The following NXN variants were observed in gnomAD, a reference collection of about 807,000 sequenced individuals.
NXN encodes nucleoredoxin.
Under a neutral mutation model 48.6 loss-of-function variants are expected in NXN, and 16 were observed. The observed-to-expected ratio is 0.33, with a 90% confidence interval of 0.22 to 0.50. The LOEUF is 0.50. NXN is among the 20% of genes least tolerant of loss of function. The probability of loss-of-function intolerance (pLI) is 0.98; values close to 1 mark genes in which losing one functional copy is unlikely to be tolerated. For synonymous variants in NXN, 281 were observed against 269.6 expected (o/e 1.04, Z -0.41); for missense variants, 492 against 605.5 (o/e 0.81, Z 1.97).
chr17:971,754 T>C (rs535198299), intron 1 of NXN, among the ~76,000 whole-genome samples: 2 of 151,692 alleles, frequency 1.3e-5, no homozygotes, highest in Admixed American at 6.6e-5. Flanking sequence ...TCCAAATTCA[T>C]AGCGATTTTC....
At chr17:801,658 G>A (rs185706453) in intron 7 of NXN, among the ~76,000 whole-genome samples, 1 of 152,132 alleles carries the variant, frequency 6.6e-6, no homozygotes, top group East Asian at 1.9e-4. Flanking sequence ...TGGTCAGGCT[G>A]GTCTCCAACT....
At chr17:868,704 G>C (rs1177187725) in intron 1 of NXN, among the ~76,000 whole-genome samples, 1 of 152,110 alleles carries the variant, frequency 6.6e-6, no homozygotes, top group African/African-American at 2.4e-5. Context: ...ACGTTAGCCA[G>C]GATGGTCTCG....
At chr17:801,503 T>C (rs1911209531) in intron 7 of NXN, among the ~76,000 whole-genome samples, 1 of 144,918 alleles carries the variant, frequency 6.9e-6, no homozygotes, top group African/African-American at 2.5e-5. Context: ...TGGAGTGCAG[T>C]GGCACGATCT....
At position 860,027 on chromosome 17, in the gene NXN, G is replaced by T. The variant is rs1161378128; in HGVS notation, c.361-33949C>A. Among the ~76,000 whole-genome samples the T allele has an allele frequency of 5.9e-5, 9 of 152,278 alleles. No homozygotes were observed. The East Asian group carries it at 1.7e-3, about 29-fold the overall frequency. On this transcript the variant is annotated intron_variant, in intron 1 of 7. Coordinates refer to ENST00000336868, the MANE Select transcript of NXN (RefSeq NM_022463.5). Reference sequence around the variant, plus strand: ...CTGCAGTAAGGAAGTTGGAAAGGGTGAGTCAGAAGCTAAGGAAAACGCTCA... The same window carrying T: ...CTGCAGTAAGGAAGTTGGAAAGGGTTAGTCAGAAGCTAAGGAAAACGCTCA...
chr17:869,100 A>T (rs1217693973), intron 1 of NXN, among the ~76,000 whole-genome samples: 1 of 152,080 alleles, frequency 6.6e-6, no homozygotes, highest in African/African-American at 2.4e-5. Context: ...CACCCTCCAC[A>T]CAGATGAACC....
At chr17:970,833 T>C (rs2069367406) in intron 1 of NXN, among the ~76,000 whole-genome samples, 1 of 152,210 alleles carries the variant, frequency 6.6e-6, no homozygotes, top group Non-Finnish European at 1.5e-5. Flanking sequence ...GATTACTAGT[T>C]GCTGGAAGAC....
chr17:976,660 C>G (rs1224615743), intron 1 of NXN, among the ~76,000 whole-genome samples: 1 of 152,154 alleles, frequency 6.6e-6, no homozygotes, highest in East Asian at 1.9e-4. Context: ...AAATTAGCAT[C>G]ATTAGCTCAC....
At chr17:867,284 G>A (rs1248526420) in intron 1 of NXN, among the ~76,000 whole-genome samples, 2 of 67,816 alleles carry the variant, frequency 2.9e-5, no homozygotes, top group East Asian at 4.6e-4. Context: ...GGGTTCTCCG[G>A]GGAATCCTCC....
At chr17:941,356 T>C (rs1348771607) in intron 1 of NXN, among the ~76,000 whole-genome samples, 3 of 148,406 alleles carry the variant, frequency 2.0e-5, no homozygotes, top group South Asian at 4.3e-4. Context: ...TCCCTGGATT[T>C]ACAGTGAACA....
At chr17:976,528 C>G (rs1423722682) in intron 1 of NXN, among the ~76,000 whole-genome samples, 1 of 152,098 alleles carries the variant, frequency 6.6e-6, no homozygotes, top group Non-Finnish European at 1.5e-5. Context: ...ACAAAATTCC[C>G]TTCTCTAGAG....
chr17:864,166 A>G, intron 1 of NXN: 1 of 1,097,540 alleles, frequency 9.1e-7, no homozygotes, highest in Non-Finnish European at 1.3e-6. Flanking sequence ...GTTCCGGTGA[A>G]GGGACGCGTC....
intron 1 of NXN, among the ~76,000 whole-genome samples, chr17:909,405 T>G (rs936259701): frequency 6.6e-6 from 1 of 152,166 alleles, no homozygotes; most frequent in Admixed American, 6.5e-5. Flanking sequence ...CAGTGTAACA[T>G]TTGGACAGAC....
At chr17:802,010 C>T (rs200054846) in intron 7 of NXN, among the ~76,000 whole-genome samples, 2 of 152,258 alleles carry the variant, frequency 1.3e-5, no homozygotes, top group East Asian at 1.9e-4. Context: ...GGCACTTTAT[C>T]CTACATTCCC....
At position 920,851 on chromosome 17, in the gene NXN, T is replaced by C. The variant is rs2068743746; in HGVS notation, c.360+58468A>G. Among the ~76,000 whole-genome samples the C allele has an allele frequency of 6.6e-6, 1 of 151,068 alleles. No homozygotes were observed. Among genetic ancestry groups the C allele is most frequent in the South Asian group, 2.1e-4 (1 of 4,774 alleles). On this transcript the variant is annotated intron_variant, in intron 1 of 7. Transcript: ENST00000336868. The surrounding 1 kb of genome is among the most constrained non-coding windows in gnomAD (Gnocchi z 4.6). ...GATTCTCTTGCCTCAACCTCCCGAG[T>C]AGTTGGGATTACAGGCGCCCGCCAC... is the stretch of plus-strand genomic sequence containing the variant.
At chr17:823,992 G>A (rs1028969467) in intron 2 of NXN, among the ~76,000 whole-genome samples, 5 of 151,486 alleles carry the variant, frequency 3.3e-5, no homozygotes, top group African/African-American at 9.7e-5. Flanking sequence ...TCCTGGCAAC[G>A]GTTCCCAAAC....
intron 1 of NXN, among the ~76,000 whole-genome samples, chr17:826,704 G>T (rs936733065): frequency 1.3e-5 from 2 of 151,948 alleles, no homozygotes; most frequent in African/African-American, 2.4e-5. Context: ...CCTTCACCAG[G>T]TCCCTGCACT....
intron 1 of NXN, among the ~76,000 whole-genome samples, chr17:953,540 C>T (rs988697371): frequency 4.6e-5 from 7 of 152,194 alleles, no homozygotes; most frequent in African/African-American, 9.7e-5. Flanking sequence ...AACTTCCTCG[C>T]GCCCAGCATA....
chr17:961,150 T>G (rs1460450859), intron 1 of NXN, among the ~76,000 whole-genome samples: 6 of 151,718 alleles, frequency 4.0e-5, no homozygotes, highest in Non-Finnish European at 7.4e-5. Context: ...TCCCAGCACT[T>G]TGGGAGGCTG....
At chr17:918,993 A>C (rs907634733) in intron 1 of NXN, among the ~76,000 whole-genome samples, 6 of 151,496 alleles carry the variant, frequency 4.0e-5, no homozygotes, top group African/African-American at 1.5e-4. Flanking sequence ...TGAGGCCAGG[A>C]GTTTGAGGCT....
Sources: allele counts gnomAD v4.1 joint callset (sites outside exome capture counted in the v4.1 genomes callset), GRCh38; gene constraint gnomAD v4.1.1; non-coding constraint Gnocchi (gnomAD v3.1); transcripts MANE v1.5; gene names NCBI Gene and HGNC (gene_info 2026-07-23, HGNC 2026-07-21).